CADM2: variants seen among roughly 807,000 people sequenced by gnomAD.
CADM2 encodes cell adhesion molecule 2, also known as immunoglobulin superfamily member 4D.
A neutral mutation model predicts 49.8 loss-of-function variants in CADM2; 12 were observed. The ratio of observed to expected loss-of-function variants is 0.24; its 90% confidence interval spans 0.15 to 0.39. The LOEUF is 0.39. CADM2 is among the 10% of genes least tolerant of loss of function. The pLI is 1.00. For synonymous variants in CADM2, 214 were observed against 175.4 expected (o/e 1.22, Z -1.74); for missense variants, 378 against 492.3 (o/e 0.77, Z 2.20).
intron 8 of CADM2, among the ~76,000 whole-genome samples, chr3:85,976,395 T>C (rs928145003): frequency 6.6e-6 from 1 of 151,582 alleles, no homozygotes; most frequent in African/African-American, 2.4e-5. Flanking sequence ...TTCTGGTCTT[T>C]CAGAGAATTT....
At position 85,590,559 on chromosome 3, in the gene CADM2, G is replaced by A. The variant is rs147945926; in HGVS notation, c.62-135963G>A. The stretch of plus-strand genomic sequence containing the variant: ...TTTTTATTCACTGGGTACTGTGACA[G>A]TAAGAAAATTAATTATACAAATTCC... On this transcript the variant is annotated intron_variant, in intron 1 of 9. Transcript: ENST00000383699. Among the ~76,000 whole-genome samples the A allele has an allele frequency of 3.7e-4, 57 of 152,002 alleles. 1 individual carries two copies. Among genetic ancestry groups the A allele is most frequent in the East Asian group, 3.5e-3 (18 of 5,138 alleles).
intron 1 of CADM2, among the ~76,000 whole-genome samples, chr3:85,413,130 C>A (rs1316497625): frequency 2.4e-5 from 2 of 82,698 alleles, no homozygotes; most frequent in Non-Finnish European, 3.9e-5. Context: ...GACAGCAAGA[C>A]TCCGTCTCAA....
chr3:85,832,194 T>C (rs961188144), intron 3 of CADM2, among the ~76,000 whole-genome samples: 2 of 151,776 alleles, frequency 1.3e-5, no homozygotes, highest in East Asian at 3.9e-4. Flanking sequence ...TGTGTGTGTC[T>C]GTTTTTGCTG....
rs1553671816 is a variant in CADM2, at chr3:85,028,944, TACCGAA to T, written c.61+69278_61+69283del. 2.7e-3 allele frequency among the ~76,000 whole-genome samples: 402 copies of T among 151,572 alleles called. 1 individual carries two copies. Among genetic ancestry groups the T allele is most frequent in the African/African-American group, 8.5e-3 (350 of 41,420 alleles). On this transcript the variant is annotated intron_variant, in intron 1 of 9. Transcript: ENST00000383699. Reference sequence around the variant, plus strand: ...ATTCCAATTTATTCACATACTGTTTTACCGAAATAAAACAGTATGTGAATAAATTGG... The same window carrying T: ...ATTCCAATTTATTCACATACTGTTTTATAAAACAGTATGTGAATAAATTGG...
At chr3:85,871,741 C>G (rs571183455) in intron 3 of CADM2, among the ~76,000 whole-genome samples, 3 of 152,084 alleles carry the variant, frequency 2.0e-5, no homozygotes, top group Non-Finnish European at 4.4e-5. Context: ...GATTTTTCCT[C>G]TATGTGATGA....
chr3:86,070,827 G>A lies in CADM2; in HGVS notation c.*4044G>A, dbSNP rs536559029. The A allele has an allele frequency of 6.6e-6, 1 of 151,950 alleles. No individual in the cohort carries two copies. Among genetic ancestry groups the A allele is most frequent in the Admixed American group, 6.6e-5 (1 of 15,258 alleles). The allele number at this position is 151,950 out of a possible 1,614,324, so 9.4% of individuals were successfully genotyped here. On this transcript the variant is annotated 3_prime_UTR_variant, in exon 10 of 10. Transcript: ENST00000383699. ...TTGGAAACCCATGTAATTATAATATGCATTTTGAATATTGGGAAAGAGGAA... is the reference window on the plus strand; with the variant it reads ...TTGGAAACCCATGTAATTATAATATACATTTTGAATATTGGGAAAGAGGAA...
chr3:85,965,219 T>TA (rs1159153365), intron 8 of CADM2, among the ~76,000 whole-genome samples: 9 of 150,158 alleles, frequency 6.0e-5, no homozygotes, highest in African/African-American at 2.2e-4. Context: ...GTTCCAACTG[T>TA]ATGGAATGTT....
At chr3:85,475,556 A>T (rs1422919581) in intron 1 of CADM2, among the ~76,000 whole-genome samples, 1 of 151,910 alleles carries the variant, frequency 6.6e-6, no homozygotes, top group African/African-American at 2.4e-5. Flanking sequence ...GATGACTCAT[A>T]ACGTAGTCAT....
At chr3:85,374,391 G>A (rs1489190335) in intron 1 of CADM2, among the ~76,000 whole-genome samples, 1 of 151,978 alleles carries the variant, frequency 6.6e-6, no homozygotes, top group Non-Finnish European at 1.5e-5. Flanking sequence ...ATCTCTATCT[G>A]AGACCACCTC....
At chr3:85,889,137 G>T (rs190373738) in intron 5 of CADM2, among the ~76,000 whole-genome samples, 138 of 152,230 alleles carry the variant, frequency 9.1e-4, no homozygotes, top group Admixed American at 2.2e-3. Context: ...TGTCTTTGGG[G>T]TTATCAAACA....
At chr3:85,953,803 A>G (rs1377460137) in intron 7 of CADM2, among the ~76,000 whole-genome samples, 2 of 150,760 alleles carry the variant, frequency 1.3e-5, no homozygotes, top group African/African-American at 4.9e-5. Context: ...TCAAGTACCT[A>G]TTAAAGAATA....
chr3:85,375,500 C>A (rs1374766039), intron 1 of CADM2, among the ~76,000 whole-genome samples: 1 of 152,108 alleles, frequency 6.6e-6, no homozygotes, highest in African/African-American at 2.4e-5. Context: ...AGTAATTTCA[C>A]TTGGAAATTA....
chr3:85,077,139 A>C (rs997246511), intron 1 of CADM2, among the ~76,000 whole-genome samples: 1 of 152,180 alleles, frequency 6.6e-6, no homozygotes, highest in Non-Finnish European at 1.5e-5. Context: ...TTATTAATAG[A>C]TCAAAGTGCT....
At chr3:85,027,205 C>A (rs1416890700) in intron 1 of CADM2, among the ~76,000 whole-genome samples, 1 of 148,000 alleles carries the variant, frequency 6.8e-6, no homozygotes, top group Non-Finnish European at 1.5e-5. Flanking sequence ...ACCTCCGCCT[C>A]CCGGGTTTAA....
At chr3:85,804,808 C>CT (rs1349435600) in intron 3 of CADM2, among the ~76,000 whole-genome samples, 4 of 152,118 alleles carry the variant, frequency 2.6e-5, no homozygotes, top group Non-Finnish European at 4.4e-5. Context: ...AGGCAGCCTC[C>CT]TTTTTTCTGA....
At chr3:85,374,748 C>T (rs915921007) in intron 1 of CADM2, among the ~76,000 whole-genome samples, 1 of 152,174 alleles carries the variant, frequency 6.6e-6, no homozygotes, top group East Asian at 1.9e-4. Flanking sequence ...TGCAGAAAAA[C>T]TACCTTTTAT....
At chr3:85,697,820 G>A (rs1559599310) in intron 1 of CADM2, among the ~76,000 whole-genome samples, 1 of 152,014 alleles carries the variant, frequency 6.6e-6, no homozygotes, top group Admixed American at 6.6e-5. Flanking sequence ...ATTTTATATG[G>A]CTCAAAATTA....
intron 1 of CADM2, among the ~76,000 whole-genome samples, chr3:85,530,913 C>A (rs868312648): frequency 1.4e-3 from 175 of 122,698 alleles, no homozygotes; most frequent in African/African-American, 6.5e-3. Flanking sequence ...CACACACACA[C>A]AAAATTCATT....
At chr3:85,189,542 T>G (rs1340708116) in intron 1 of CADM2, among the ~76,000 whole-genome samples, 1 of 152,202 alleles carries the variant, frequency 6.6e-6, no homozygotes, top group Admixed American at 6.5e-5. Flanking sequence ...ACAAATGATG[T>G]AAAACAACTT....
Sources: allele counts gnomAD v4.1 joint callset (sites outside exome capture counted in the v4.1 genomes callset), GRCh38; gene constraint gnomAD v4.1.1; transcripts MANE v1.5; gene names NCBI Gene and HGNC (gene_info 2026-07-23, HGNC 2026-07-21).